Variants in PHACTR3 observed in about 807,000 individuals in gnomAD.
PHACTR3 encodes the protein protein phosphatase 1, regulatory subunit 123.
In PHACTR3, 16 loss-of-function variants were observed where a neutral mutation model predicts 66.8. The observed-to-expected ratio is 0.24, with a 90% CI of 0.16 to 0.36. The LOEUF (loss-of-function observed/expected upper bound fraction) is 0.36. PHACTR3 is among the 10% of genes least tolerant of loss of function. The pLI, the probability that PHACTR3 is intolerant of heterozygous loss-of-function variation, is 1.00. For synonymous variants in PHACTR3, 323 were observed against 292.1 expected, an observed-to-expected ratio of 1.11 and a Z score of -1.08; for missense variants, 647 against 719.9, an observed-to-expected ratio of 0.90 and a Z score of 1.16.
intron 7 of PHACTR3, among the ~76,000 whole-genome samples, chr20:59,778,462 G>A (rs866249876): frequency 2.6e-5 from 4 of 152,274 alleles, no homozygotes; most frequent in South Asian, 2.1e-4. Context: ...AGGCTCCACC[G>A]CGTTTAAAAC....
chr20:59,726,413 C>G (rs936746026), intron 1 of PHACTR3, among the ~76,000 whole-genome samples: 5 of 152,170 alleles, frequency 3.3e-5, no homozygotes, highest in African/African-American at 1.2e-4. Context: ...AATCACTGCA[C>G]CACTTATTCC....
At chr20:59,671,088 G>T (rs2036181891) in intron 1 of PHACTR3, among the ~76,000 whole-genome samples, 1 of 152,146 alleles carries the variant, frequency 6.6e-6, no homozygotes, top group Non-Finnish European at 1.5e-5. Flanking sequence ...AGAACCATGT[G>T]GTTCTCCTTC....
At chr20:59,641,744 A>G (rs943187788) in intron 1 of PHACTR3, among the ~76,000 whole-genome samples, 3 of 152,236 alleles carry the variant, frequency 2.0e-5, no homozygotes, top group African/African-American at 4.8e-5. Flanking sequence ...GTGTATGTAC[A>G]TTTGTGTATA....
At chr20:59,678,860 G>C (rs2146534997) in intron 1 of PHACTR3, among the ~76,000 whole-genome samples, 1 of 150,518 alleles carries the variant, frequency 6.6e-6, no homozygotes, top group Admixed American at 6.7e-5. Context: ...GCAAGCAGTG[G>C]TTCTCACATC....
intron 2 of PHACTR3, 79 bp from the exon 3 acceptor site, chr20:59,747,679 C>G: frequency 6.6e-7 from 1 of 1,511,568 alleles, no homozygotes; most frequent in South Asian, 1.2e-5. Flanking sequence ...TAAACTTGAG[C>G]CTGGCATTGG....
intron 5 of PHACTR3, among the ~76,000 whole-genome samples, chr20:59,770,147 G>T (rs549549684): frequency 6.6e-6 from 1 of 152,304 alleles, no homozygotes; most frequent in African/African-American, 2.4e-5. Flanking sequence ...CTGGCGTTCT[G>T]TCCCCAGTCT....
At position 59,733,324 on chromosome 20, in the gene PHACTR3, C is replaced by A. The variant is rs58827019; in HGVS notation, c.119-9783C>A. Among the ~76,000 whole-genome samples the A allele has an allele frequency of 7.0e-3, 1,069 of 152,196 alleles. 13 individuals carry two copies. Among genetic ancestry groups the A allele is most frequent in the African/African-American group, 0.024 (999 of 41,532 alleles). ...ACTTTTACATTTGGGAGATTGAAAT[C>A]TATTTCTAAAACTTGATTTTGGAGG... On this transcript the variant is annotated intron_variant, in intron 1 of 12. Transcript: ENST00000371015.
At chr20:59,666,840 C>T (rs1409163542) in intron 1 of PHACTR3, among the ~76,000 whole-genome samples, 1 of 152,250 alleles carries the variant, frequency 6.6e-6, no homozygotes, top group Non-Finnish European at 1.5e-5. Flanking sequence ...GAAGTCCCAT[C>T]ACGCCCCTTC....
chr20:59,580,010 G>A (rs1394674682), intron 1 of PHACTR3, among the ~76,000 whole-genome samples: 2 of 152,112 alleles, frequency 1.3e-5, no homozygotes, highest in South Asian at 2.1e-4. Flanking sequence ...GATTTGGAGG[G>A]GCTGTTTACA....
rs2041563618 is a variant in PHACTR3 at position 59,806,207 on chromosome 20, T to G, written c.1328+13T>G. ...TGAAGCTTTCCAAGTAAGTGGCAGC[T>G]TGCGGGCACAGCCGGGCCTGTGCTC... On this transcript the variant is annotated intron_variant, in intron 8 of 12. Transcript: ENST00000371015. 6.2e-7 allele frequency: 1 copy of G among 1,612,912 alleles called. No homozygotes were observed. Among genetic ancestry groups the G allele is most frequent in the Non-Finnish European group, 8.5e-7 (1 of 1,179,472 alleles).
At chr20:59,617,047 C>A (rs936967230) in intron 1 of PHACTR3, among the ~76,000 whole-genome samples, 23 of 152,110 alleles carry the variant, frequency 1.5e-4, no homozygotes, top group African/African-American at 5.6e-4. Context: ...TGATTATTTT[C>A]CTGTAATATT....
rs191325927 is a variant in PHACTR3, at chr20:59,767,061, T to C, written c.542-125T>C. On this transcript the variant is annotated intron_variant, in intron 4 of 12. Transcript: ENST00000371015. ...GAACTTGCAGGAAGTCAAGTGCCTG[T>C]GTGAGGTCACTGCTCTGTATGCTCT... 7 of 841,928 alleles carry C rather than the reference T, an allele frequency of 8.3e-6. No individual in the cohort carries two copies. The Admixed American group carries it at 9.7e-5, about 12-fold the overall frequency. 52.2% of individuals were successfully genotyped at this position (841,928 alleles called of 1,614,324 possible).
At chr20:59,665,626 G>A (rs1436779153) in intron 1 of PHACTR3, among the ~76,000 whole-genome samples, 1 of 152,106 alleles carries the variant, frequency 6.6e-6, no homozygotes, top group African/African-American at 2.4e-5. Context: ...AATCTTGGGT[G>A]CTGGTTGGAA....
intron 1 of PHACTR3, among the ~76,000 whole-genome samples, chr20:59,583,673 A>G (rs1352388208): frequency 6.6e-6 from 1 of 152,182 alleles, no homozygotes; most frequent in Non-Finnish European, 1.5e-5. Flanking sequence ...GGTTTATTTT[A>G]AGGAAAACAA....
chr20:59,598,528 G>A (rs1373119120), intron 1 of PHACTR3, among the ~76,000 whole-genome samples: 1 of 152,160 alleles, frequency 6.6e-6, no homozygotes, highest in Non-Finnish European at 1.5e-5. Flanking sequence ...GCCATGGGAT[G>A]CCCACACCAC....
chr20:59,589,037 A>C (rs184439776), intron 1 of PHACTR3, among the ~76,000 whole-genome samples: 7 of 152,138 alleles, frequency 4.6e-5, no homozygotes, highest in Admixed American at 1.3e-4. Flanking sequence ...GGCTCCCTTT[A>C]TGCCACAGTG....
intron 7 of PHACTR3, among the ~76,000 whole-genome samples, chr20:59,789,737 T>A (rs1209796029): frequency 6.6e-6 from 1 of 152,196 alleles, no homozygotes; most frequent in East Asian, 1.9e-4. Context: ...CCAGGACTGT[T>A]CTCACACAGG....
chr20:59,825,265 G>A (rs2042154269), intron 8 of PHACTR3, among the ~76,000 whole-genome samples: 1 of 152,216 alleles, frequency 6.6e-6, no homozygotes. Flanking sequence ...CACAGGCTTG[G>A]AGGGTGGCTT....
In PHACTR3 at chr20:59,736,784, G is replaced by T. The variant is rs979793340; in HGVS notation, c.119-6323G>T. 6.6e-5 allele frequency among the ~76,000 whole-genome samples: 10 copies of T among 152,244 alleles called. No individual in the cohort carries two copies. Among genetic ancestry groups the T allele is most frequent in the African/African-American group, 2.4e-4 (10 of 41,566 alleles). On this transcript the variant is annotated intron_variant, in intron 1 of 12. Transcript: ENST00000371015. The surrounding 1 kb of genome is among the most constrained non-coding windows in gnomAD (Gnocchi z 4.6). ...GCACTATTTTGAAGTTTCTCTTCTT[G>T]GGCGGAGAGTCATAGCTCTCACAAG...
Sources: gnomAD v4.1 joint callset for allele counts (sites outside exome capture counted in the v4.1 genomes callset) on GRCh38, gnomAD v4.1.1 for gene constraint, Gnocchi (gnomAD v3.1) non-coding constraint, MANE v1.5 for transcripts, NCBI Gene and HGNC (gene_info 2026-07-23, HGNC 2026-07-21) for gene names.